Variants in ARID4B observed in about 807,000 individuals in gnomAD.
The protein encoded by ARID4B is AT-rich interactive domain-containing protein 4B.
Under a neutral mutation model 147.5 loss-of-function variants are expected in ARID4B, and 26 were observed. The ratio of observed to expected loss-of-function variants is 0.18; its 90% CI spans 0.13 to 0.24. The LOEUF (loss-of-function observed/expected upper bound fraction) is 0.24, where lower values mean the gene tolerates loss of function less well. ARID4B is among the 10% of genes least tolerant of loss of function. ARID4B has a pLI of 1.00. For missense variants in ARID4B, 1,179 were observed against 1,511.5 expected (o/e 0.78, Z 3.65); for synonymous variants, 512 against 507.9 (o/e 1.01, Z -0.11).
At chr1:235,311,396 A>C (rs1572217484) in intron 2 of ARID4B, among the ~76,000 whole-genome samples, 1 of 125,206 alleles carries the variant, frequency 8.0e-6, no homozygotes, top group South Asian at 2.7e-4. Flanking sequence ...TAATAATAAT[A>C]ATAATTCATA....
At chr1:235,292,930 C>A (rs1056485386) in intron 2 of ARID4B, among the ~76,000 whole-genome samples, 2 of 152,142 alleles carry the variant, frequency 1.3e-5, no homozygotes, top group Non-Finnish European at 2.9e-5. Context: ...AAGAAGAAAG[C>A]TCCGAGGGAA....
At chr1:235,194,507 T>C (rs1056246068) in intron 18 of ARID4B, among the ~76,000 whole-genome samples, 1 of 151,988 alleles carries the variant, frequency 6.6e-6, no homozygotes, top group African/African-American at 2.4e-5. Flanking sequence ...AAAATCACAA[T>C]ACGTTTAAAT....
At chr1:235,302,911 G>A (rs1673281097) in intron 2 of ARID4B, among the ~76,000 whole-genome samples, 1 of 151,040 alleles carries the variant, frequency 6.6e-6, no homozygotes, top group South Asian at 2.1e-4. Context: ...AATTCAGTTT[G>A]AGAGTTTATA....
At chr1:235,249,738 G>A (rs534476770) in intron 6 of ARID4B, among the ~76,000 whole-genome samples, 1 of 151,296 alleles carries the variant, frequency 6.6e-6, no homozygotes, top group African/African-American at 2.4e-5. Flanking sequence ...TCAAGAGATC[G>A]AGGTCAGCCT....
chr1:235,205,283 T>C (rs892941478), intron 17 of ARID4B, among the ~76,000 whole-genome samples: 37 of 152,216 alleles, frequency 2.4e-4, no homozygotes, highest in African/African-American at 8.9e-4. Flanking sequence ...ACAAAGAAAT[T>C]AAGCTGAAAA....
chr1:235,312,829 C>T (rs1206495358), intron 2 of ARID4B, among the ~76,000 whole-genome samples: 3 of 151,920 alleles, frequency 2.0e-5, no homozygotes, highest in South Asian at 2.1e-4. Flanking sequence ...AAAAATTAGC[C>T]GAGCATGGTG....
intron 9 of ARID4B, among the ~76,000 whole-genome samples, chr1:235,232,848 T>C (rs1668329168): frequency 6.6e-6 from 1 of 152,122 alleles, no homozygotes; most frequent in African/African-American, 2.4e-5. Flanking sequence ...TTGTTTTGTT[T>C]TGTTTTGAGA....
Position 235,167,520 on chromosome 1 carries a change from C to T in ARID4B, c.*1005G>A, listed in dbSNP as rs957947819. The T allele has an allele frequency of 5.4e-5, 12 of 222,070 alleles. No individual in the cohort carries two copies. The highest frequency in any genetic ancestry group is 9.0e-5 in the Non-Finnish European group (10 of 110,894). The allele number at this position is 222,070 out of a possible 1,614,324, so 13.8% of individuals were successfully genotyped here. ...TTTATAGGCCTACCACCCCCATTAG[C>T]TATTTATATTTAAAATAACCACCAT... On this transcript the variant is annotated 3_prime_UTR_variant, in exon 24 of 24. Transcript: ENST00000264183.
In ARID4B at chr1:235,266,886, T is replaced by G. The variant is rs78367620; in HGVS notation, c.7-6134A>C. ...GCAAAACATGCTAGATGACATTTTA[T>G]TGAGGTAGTTTATTTTAAAAAGTGA... is the stretch of plus-strand genomic sequence containing the variant. On this transcript the variant is annotated intron_variant, in intron 2 of 23. Coordinates refer to ENST00000264183, the MANE Select transcript of ARID4B (RefSeq NM_016374.6). 4.4e-3 allele frequency among the ~76,000 whole-genome samples: 671 copies of G among 152,392 alleles called. 5 individuals carry two copies. The highest frequency in any genetic ancestry group is 0.015 in the African/African-American group (643 of 41,594).
chr1:235,189,424 ATC>A (rs1664929813), intron 19 of ARID4B, among the ~76,000 whole-genome samples: 1 of 130,730 alleles, frequency 7.6e-6, no homozygotes, highest in African/African-American at 2.8e-5. Context: ...AAAAAAAAAA[ATC>A]ATTGAAAACT....
chr1:235,280,883 T>C (rs375626379), intron 2 of ARID4B, among the ~76,000 whole-genome samples: 12 of 152,222 alleles, frequency 7.9e-5, no homozygotes, highest in Admixed American at 7.9e-4. Context: ...AGCACGTTTT[T>C]TGAAAGAAAT....
Position 235,210,281 on chromosome 1 carries a change from A to G in ARID4B, c.1841+3488T>C, listed in dbSNP as rs574605358. ...GTTTCAGATTAAAAAAACCATGGAA[A>G]TAGGTCCACACAAATCTCCCAAACT... On this transcript the variant is annotated intron_variant, in intron 17 of 23. Coordinates refer to ENST00000264183, the MANE Select transcript of ARID4B (RefSeq NM_016374.6). Among the ~76,000 whole-genome samples the G allele has an allele frequency of 2.6e-4, 40 of 152,144 alleles. No individual in the cohort carries two copies. In the South Asian group the frequency reaches 7.9e-3, roughly 30 times the overall value.
intron 21 of ARID4B, chr1:235,176,971 G>A (rs1240092869): frequency 2.1e-6 from 1 of 470,852 alleles, no homozygotes; most frequent in African/African-American, 2.0e-5. Flanking sequence ...AAAATGTGCA[G>A]CCCTCAGAAG....
At position 235,289,519 on chromosome 1, in the gene ARID4B, T is replaced by C. The variant is rs115639547; in HGVS notation, c.7-28767A>G. On this transcript the variant is annotated intron_variant, in intron 2 of 23. Transcript: ENST00000264183. ...TAGGTGAGGTGCTTGAGCCCAGGAG[T>C]TCGAGACCAGCCTGGACAACATAGT... Among the ~76,000 whole-genome samples the C allele has an allele frequency of 4.4e-3, 661 of 151,882 alleles. 4 individuals are homozygous for C. Among genetic ancestry groups the C allele is most frequent in the African/African-American group, 0.015 (633 of 41,410 alleles).
chr1:235,296,848 G>GGAAGGGAGGAAGGGAGAGAAA (rs1672773637), intron 2 of ARID4B, among the ~76,000 whole-genome samples: 2 of 10,188 alleles, frequency 2.0e-4, no homozygotes, highest in Non-Finnish European at 2.6e-4. Context: ...GGAGGAAGGA[G>GGAAGGGAGGAAGGGAGAGAAA]GGAGGGAAGG....
At chr1:235,229,509 A>G in intron 10 of ARID4B, 124 bp from the exon 11 acceptor site, 2 of 693,458 alleles carry the variant, frequency 2.9e-6, no homozygotes, top group Non-Finnish European at 4.8e-6. Flanking sequence ...ATTGTTTGCT[A>G]TGTACCAGAA....
chr1:235,322,838 C>T (rs964041219), intron 2 of ARID4B, among the ~76,000 whole-genome samples: 1 of 148,612 alleles, frequency 6.7e-6, no homozygotes, highest in Non-Finnish European at 1.5e-5. Flanking sequence ...GAGGGGGGAA[C>T]GAACTGACAG....
At chr1:235,195,364 G>A (rs1407409588) in intron 18 of ARID4B, among the ~76,000 whole-genome samples, 4 of 152,042 alleles carry the variant, frequency 2.6e-5, no homozygotes, top group South Asian at 2.1e-4. Context: ...AGGCCAAGGC[G>A]GGCGGATCAC....
chr1:235,224,905 ACT>A (rs1667726667), intron 11 of ARID4B, 130 bp from the exon 12 acceptor site: 2 of 637,674 alleles, frequency 3.1e-6, no homozygotes, highest in East Asian at 2.8e-5. Context: ...AATCAAAGTT[ACT>A]CTTTTAACAC....
Sources: gnomAD v4.1 joint callset for allele counts (sites outside exome capture counted in the v4.1 genomes callset) on GRCh38, gnomAD v4.1.1 for gene constraint, MANE v1.5 for transcripts, NCBI Gene and HGNC (gene_info 2026-07-23, HGNC 2026-07-21) for gene names.